The following GPC6 variants were observed in gnomAD, a reference collection of about 807,000 sequenced individuals.
GPC6 encodes the protein glypican-6.
A neutral mutation model predicts 55.2 loss-of-function variants in GPC6; 14 were observed. The ratio of observed to expected loss-of-function variants is 0.25; its 90% CI spans 0.17 to 0.40. GPC6 has a LOEUF of 0.40. Ranked by LOEUF, GPC6 falls within the 10% of genes least tolerant of loss-of-function variation. The probability of loss-of-function intolerance (pLI) is 1.00; values close to 1 mark genes in which losing one functional copy is unlikely to be tolerated. For synonymous variants in GPC6, 278 were observed against 259.6 expected (o/e 1.07, Z -0.68); for missense variants, 641 against 708.5 (o/e 0.90, Z 1.08).
chr13:94,399,623 A>G (rs1329615240), intron 8 of GPC6, among the ~76,000 whole-genome samples: 1 of 152,206 alleles, frequency 6.6e-6, no homozygotes. Context: ...TAAGTTACAG[A>G]TAGAAGACCT....
intron 1 of GPC6, among the ~76,000 whole-genome samples, chr13:93,336,596 G>A (rs575615434): frequency 2.0e-5 from 3 of 152,244 alleles, no homozygotes; most frequent in African/African-American, 7.2e-5. Context: ...TGTAGGAAGC[G>A]TTGTTTTATT....
intron 3 of GPC6, among the ~76,000 whole-genome samples, chr13:93,857,131 T>TGGGATATAA: frequency 6.6e-6 from 1 of 151,704 alleles, no homozygotes; most frequent in East Asian, 2.0e-4. Flanking sequence ...TGGTCACTAT[T>TGGGATATAA]AGAAGGGGGT....
chr13:93,693,579 A>G (rs1188863505), intron 2 of GPC6, among the ~76,000 whole-genome samples: 1 of 151,544 alleles, frequency 6.6e-6, no homozygotes, highest in Admixed American at 6.6e-5. Context: ...CCTGGGCGCA[A>G]GCAATCCTCC....
intron 6 of GPC6, among the ~76,000 whole-genome samples, chr13:94,378,492 G>C (rs2139202886): frequency 6.6e-6 from 1 of 152,236 alleles, no homozygotes; most frequent in East Asian, 1.9e-4. Context: ...TACTGTAATG[G>C]TAGGTATGAG....
chr13:93,968,446 C>T (rs1048610444), intron 3 of GPC6, among the ~76,000 whole-genome samples: 1 of 152,072 alleles, frequency 6.6e-6, no homozygotes, highest in African/African-American at 2.4e-5. Context: ...ATTCACAAAT[C>T]AGTTCACTTG....
intron 2 of GPC6, among the ~76,000 whole-genome samples, chr13:93,636,449 C>G (rs1879700522): frequency 6.6e-6 from 1 of 152,184 alleles, no homozygotes; most frequent in South Asian, 2.1e-4. Context: ...TCGTAGAATG[C>G]ATGATCACAT....
intron 1 of GPC6, among the ~76,000 whole-genome samples, chr13:93,428,455 T>C (rs971220996): frequency 6.6e-6 from 1 of 152,092 alleles, no homozygotes; most frequent in Non-Finnish European, 1.5e-5. Context: ...TTCTCAGGGA[T>C]AAAAATCTAT....
chr13:94,167,862 T>A (rs1447219492), intron 4 of GPC6, among the ~76,000 whole-genome samples: 2 of 152,212 alleles, frequency 1.3e-5, no homozygotes, highest in Non-Finnish European at 1.5e-5. Flanking sequence ...AAATACCCAT[T>A]CAAAATTTGA....
intron 3 of GPC6, among the ~76,000 whole-genome samples, chr13:93,982,910 A>G (rs1198144577): frequency 1.3e-5 from 2 of 152,198 alleles, no homozygotes; most frequent in African/African-American, 4.8e-5. Flanking sequence ...TTATACTTAT[A>G]TCTGGGAAAT....
chr13:93,993,036 T>C (rs79355341), intron 3 of GPC6, among the ~76,000 whole-genome samples: 3,500 of 152,198 alleles, frequency 0.023, 157 homozygotes, highest in African/African-American at 0.078. Context: ...TTAACTTTGG[T>C]TTTGGAGCAA....
intron 3 of GPC6, among the ~76,000 whole-genome samples, chr13:93,917,539 A>T (rs566277555): frequency 6.6e-5 from 10 of 152,326 alleles, no homozygotes; most frequent in Admixed American, 3.9e-4. Context: ...GACAGTGCTG[A>T]GTTTAGTGAA....
At chr13:94,279,536 G>C (rs187524726) in intron 4 of GPC6, among the ~76,000 whole-genome samples, 1 of 152,226 alleles carries the variant, frequency 6.6e-6, no homozygotes, top group East Asian at 1.9e-4. Flanking sequence ...TGTGATGTTA[G>C]GGTATCGATC....
At chr13:93,231,360 C>CATATATATAT (rs1566533348) in intron 1 of GPC6, among the ~76,000 whole-genome samples, 5 of 14,940 alleles carry the variant, frequency 3.3e-4, no homozygotes, top group African/African-American at 1.2e-3. Flanking sequence ...TATATATATA[C>CATATATATAT]GTATATATAT....
Position 94,174,468 on chromosome 13 carries a change from C to T in GPC6, c.878-111881C>T, listed in dbSNP as rs1245037467. On this transcript the variant is annotated intron_variant, in intron 4 of 8. Coordinates refer to ENST00000377047, the MANE Select transcript of GPC6 (RefSeq NM_005708.5). Reference sequence around the variant, plus strand: ...ATGCAAGCAATTTACTATAAATATACTAGGGAAAAGAGACAGATGTAGGTG... The same window carrying T: ...ATGCAAGCAATTTACTATAAATATATTAGGGAAAAGAGACAGATGTAGGTG... 7.2e-5 allele frequency among the ~76,000 whole-genome samples: 11 copies of T among 151,896 alleles called. No individual in the cohort carries two copies. In the South Asian group the frequency reaches 2.3e-3, roughly 32 times the overall value.
intron 4 of GPC6, among the ~76,000 whole-genome samples, chr13:94,169,408 G>C (rs1372105329): frequency 6.6e-6 from 1 of 152,086 alleles, no homozygotes; most frequent in Admixed American, 6.5e-5. Context: ...CAGTAATCAG[G>C]GGTGGTATTT....
chr13:93,566,442 T>C (rs1270161942), intron 2 of GPC6, among the ~76,000 whole-genome samples: 2 of 110,988 alleles, frequency 1.8e-5, no homozygotes, highest in Middle Eastern at 8.9e-3. Flanking sequence ...TAATTCAGCA[T>C]GTTCAGGGAA....
At chr13:94,262,850 A>G (rs1383287225) in intron 4 of GPC6, among the ~76,000 whole-genome samples, 1 of 152,182 alleles carries the variant, frequency 6.6e-6, no homozygotes, top group Non-Finnish European at 1.5e-5. Context: ...CCCTTGAATT[A>G]TCAAATTCTG....
chr13:94,137,109 C>G (rs1324287558), intron 4 of GPC6, among the ~76,000 whole-genome samples: 6 of 152,060 alleles, frequency 3.9e-5, no homozygotes, highest in African/African-American at 1.4e-4. Flanking sequence ...TCTAGTTGAT[C>G]AATTGAAAGA....
At chr13:93,440,176 C>A (rs2139287221) in intron 1 of GPC6, among the ~76,000 whole-genome samples, 1 of 152,248 alleles carries the variant, frequency 6.6e-6, no homozygotes, top group Middle Eastern at 3.4e-3. Flanking sequence ...AAAAAATTTT[C>A]TCATAATCAA....
Sources: allele counts gnomAD v4.1 joint callset (sites outside exome capture counted in the v4.1 genomes callset), GRCh38; gene constraint gnomAD v4.1.1; transcripts MANE v1.5; gene names NCBI Gene and HGNC (gene_info 2026-07-23, HGNC 2026-07-21).